Variants in MXD1 observed in about 807,000 individuals in gnomAD.
The protein encoded by MXD1 is MAX-binding protein.
In MXD1, 9 loss-of-function variants were observed where a neutral mutation model predicts 25.7. The observed-to-expected ratio is 0.35, with a 90% CI of 0.21 to 0.61. MXD1 has a LOEUF of 0.61. Ranked by LOEUF, MXD1 falls within the 20% of genes least tolerant of loss-of-function variation. The pLI, the probability that MXD1 is intolerant of heterozygous loss-of-function variation, is 0.75. For synonymous variants in MXD1, 99 were observed against 113.9 expected (o/e 0.87, Z 0.83); for missense variants, 227 against 292.4 (o/e 0.78, Z 1.63).
rs73938904 is a variant in MXD1, at chr2:69,917,216, C to T, written c.173+996C>T. On this transcript the variant is annotated intron_variant, in intron 2 of 5. Coordinates refer to ENST00000264444, the MANE Select transcript of MXD1 (RefSeq NM_002357.4). ...ACCTAAAAATCACTTGTTCTTGCTG[C>T]GTCTTCTGTACTTGGTTTACCTCTT... Among the ~76,000 whole-genome samples the T allele has an allele frequency of 8.7e-3, 1,330 of 152,272 alleles. 15 individuals are homozygous for T. The highest frequency in any genetic ancestry group is 0.03 in the African/African-American group (1,265 of 41,546).
At chr2:69,933,408 C>T (rs538873097) in intron 3 of MXD1, among the ~76,000 whole-genome samples, 21 of 152,084 alleles carry the variant, frequency 1.4e-4, no homozygotes, top group Non-Finnish European at 2.6e-4. Context: ...CCCTGGTCCC[C>T]ACCACATGCA....
rs1036439092 is a variant in MXD1, at chr2:69,938,321, C to T, written c.*37C>T. On this transcript the variant is annotated 3_prime_UTR_variant, in exon 6 of 6. Coordinates refer to ENST00000264444, the MANE Select transcript of MXD1 (RefSeq NM_002357.4). ...CTGCGGCTGTCTCCTTGAAGGTTCT[C>T]CCTGTTGGTTCTGATTAGGTAACGT... 3.1e-6 allele frequency: 5 copies of T among 1,605,820 alleles called. No homozygotes were observed. In the East Asian group the frequency reaches 8.9e-5, roughly 29 times the overall value.
intron 3 of MXD1, among the ~76,000 whole-genome samples, chr2:69,927,285 C>T (rs1337197680): frequency 2.6e-5 from 4 of 152,208 alleles, no homozygotes; most frequent in Non-Finnish European, 5.9e-5. Flanking sequence ...GTATGCATTG[C>T]ATCACTCTTA....
chr2:69,923,648 G>A (rs1020631707), intron 3 of MXD1, among the ~76,000 whole-genome samples: 9 of 151,872 alleles, frequency 5.9e-5, no homozygotes, highest in East Asian at 1.9e-4. Flanking sequence ...TCATCCCATC[G>A]TCTTCCCTTT....
chr2:69,935,213 T>C, intron 3 of MXD1, 138 bp from the exon 4 acceptor site: 1 of 644,696 alleles, frequency 1.6e-6, no homozygotes, highest in Non-Finnish European at 2.8e-6. Context: ...AAAATATGTT[T>C]ATTCAGCAAA....
chr2:69,938,036 C>T (rs1677498313), intron 5 of MXD1, 61 bp from the exon 6 acceptor site: 2 of 1,526,360 alleles, frequency 1.3e-6, no homozygotes, highest in African/African-American at 1.4e-5. Flanking sequence ...CATGAGCCAC[C>T]ACGCCTGAGC....
At chr2:69,933,243 CT>C (rs1677342979) in intron 3 of MXD1, among the ~76,000 whole-genome samples, 1 of 146,754 alleles carries the variant, frequency 6.8e-6, no homozygotes. Flanking sequence ...GAAAATTAGT[CT>C]ATAAGTTTTA....
intron 2 of MXD1, among the ~76,000 whole-genome samples, chr2:69,920,348 C>T (rs1677042325): frequency 6.6e-6 from 1 of 152,098 alleles, no homozygotes; most frequent in African/African-American, 2.4e-5. Flanking sequence ...ATATTGTTTA[C>T]CTAGAAAACA....
At chr2:69,920,959 C>T (rs1207064357) in intron 2 of MXD1, among the ~76,000 whole-genome samples, 1 of 152,172 alleles carries the variant, frequency 6.6e-6, no homozygotes, top group African/African-American at 2.4e-5. Flanking sequence ...ATCCAAGGCT[C>T]TCTAATCAGT....
chr2:69,937,505 A>G lies in MXD1; in HGVS notation c.478+111A>G, dbSNP rs370562832. 37 of 1,086,160 alleles carry G rather than the reference A, an allele frequency of 3.4e-5. No homozygotes were observed. In the South Asian group the frequency reaches 4.8e-4, roughly 14 times the overall value. 67.3% of individuals were successfully genotyped at this position (1,086,160 alleles called of 1,614,324 possible). A position where few individuals can be genotyped will look rare whatever the true frequency, so the allele number is the denominator to read the frequency against. Reference sequence around the variant, plus strand: ...TGTAAGAAGAACTAAGACACTGGGTATGATGTAGAGAAGTCGAACAGTGTG... The same window carrying G: ...TGTAAGAAGAACTAAGACACTGGGTGTGATGTAGAGAAGTCGAACAGTGTG... On this transcript the variant is annotated intron_variant, in intron 5 of 5. Coordinates refer to ENST00000264444, the MANE Select transcript of MXD1 (RefSeq NM_002357.4).
intron 3 of MXD1, among the ~76,000 whole-genome samples, chr2:69,932,549 T>G (rs909796172): frequency 1.1e-4 from 16 of 152,214 alleles, no homozygotes; most frequent in African/African-American, 3.9e-4. Context: ...ATTCTGGTCC[T>G]ATTTTTGTAG....
chr2:69,937,007 T>C lies in MXD1; in HGVS notation c.319-228T>C, dbSNP rs564406103. On this transcript the variant is annotated intron_variant, in intron 4 of 5. Coordinates refer to ENST00000264444, the MANE Select transcript of MXD1 (RefSeq NM_002357.4). ...AGTATGTGAGAGCTCACCCCCAGAA[T>C]CCCTGTGACAGGACAAGTACCCCCA... 70 of 650,968 alleles carry C rather than the reference T, an allele frequency of 1.1e-4. 2 individuals are homozygous for C. The highest frequency in any genetic ancestry group is 1.0e-3 in the South Asian group (67 of 67,010). The allele number at this position is 650,968 out of a possible 1,614,324, so 40.3% of individuals were successfully genotyped here.
rs1677408103 is a variant in MXD1, at chr2:69,935,481, G to T, written c.318+16G>T. On this transcript the variant is annotated intron_variant, in intron 4 of 5. Transcript: ENST00000264444. Reference sequence around the variant, plus strand: ...GCACATAAAGGTAAGTGTATTGTTGGGATGCTGCTTTATCTTTACCTGTTC... The same window carrying T: ...GCACATAAAGGTAAGTGTATTGTTGTGATGCTGCTTTATCTTTACCTGTTC... 6.5e-7 allele frequency: 1 copy of T among 1,539,260 alleles called. No homozygotes were observed. The highest frequency in any genetic ancestry group is 2.2e-5 in the East Asian group (1 of 44,512).
At chr2:69,923,040 CAA>C (rs149259918) in intron 3 of MXD1, among the ~76,000 whole-genome samples, 71,588 of 129,894 alleles carry the variant, frequency 0.55, 18,974 homozygotes, top group African/African-American at 0.71. Context: ...TAGTAAACAC[CAA>C]AAAAAAAAAA....
chr2:69,927,988 G>A (rs374282830), intron 3 of MXD1, among the ~76,000 whole-genome samples: 11 of 151,776 alleles, frequency 7.2e-5, no homozygotes, highest in African/African-American at 2.7e-4. Context: ...GTCTTCACCT[G>A]GATTTTTTTT....
At position 69,941,052 on chromosome 2, in the gene MXD1, T is replaced by C. The variant is rs1269423455; in HGVS notation, c.*2768T>C. Reference sequence around the variant, plus strand: ...GGTTGGGAGGGGATGGGCAGAGATATAAACCCCAGCCTTTAAGACTTTGAC... The same window carrying C: ...GGTTGGGAGGGGATGGGCAGAGATACAAACCCCAGCCTTTAAGACTTTGAC... On this transcript the variant is annotated 3_prime_UTR_variant, in exon 6 of 6. Transcript: ENST00000264444. 6.6e-6 allele frequency: 1 copy of C among 152,328 alleles called. No homozygotes were observed. The highest frequency in any genetic ancestry group is 1.9e-4 in the East Asian group (1 of 5,204). The allele number at this position is 152,328 out of a possible 1,614,324, so 9.4% of individuals were successfully genotyped here. A position where few individuals can be genotyped will look rare whatever the true frequency, so the allele number is the denominator to read the frequency against.
chr2:69,925,919 T>G (rs1408233868), intron 3 of MXD1, among the ~76,000 whole-genome samples: 1 of 149,906 alleles, frequency 6.7e-6, no homozygotes, highest in Non-Finnish European at 1.5e-5. Flanking sequence ...ACTTAAAACC[T>G]TTATGAGTTT....
intron 2 of MXD1, 50 bp downstream of exon 2, chr2:69,916,270 C>A: frequency 9.2e-7 from 1 of 1,089,946 alleles, no homozygotes; most frequent in Admixed American, 1.9e-5. Flanking sequence ...TTGTAGGTGA[C>A]ACAAACTGCT....
intron 3 of MXD1, among the ~76,000 whole-genome samples, chr2:69,927,259 C>G (rs1677188147): frequency 6.6e-6 from 1 of 152,196 alleles, no homozygotes; most frequent in Admixed American, 6.5e-5. Context: ...GACTTTTGCA[C>G]TGGGCCTGAG....
Sources: allele counts gnomAD v4.1 joint callset (sites outside exome capture counted in the v4.1 genomes callset), GRCh38; gene constraint gnomAD v4.1.1; transcripts MANE v1.5; gene names NCBI Gene and HGNC (gene_info 2026-07-23, HGNC 2026-07-21).